NBAS: variants seen among roughly 807,000 people sequenced by gnomAD.
NBAS encodes NAG/BC035112 fusion.
A neutral mutation model predicts 302.5 loss-of-function variants in NBAS; 219 were observed. The ratio of observed to expected loss-of-function variants is 0.72; its 90% CI spans 0.65 to 0.81. NBAS has a LOEUF of 0.81. Among genes scored for constraint, NBAS ranks in the 30% least tolerant of loss-of-function variants. The pLI is 0.00. For synonymous variants in NBAS, 1,118 were observed against 1,021.6 expected, an observed-to-expected ratio of 1.09 and a Z score of -1.80; for missense variants, 2,932 against 2,841.6, an observed-to-expected ratio of 1.03 and a Z score of -0.72.
chr2:15,527,637 T>C (rs555080756), intron 9 of NBAS, among the ~76,000 whole-genome samples: 1 of 152,222 alleles, frequency 6.6e-6, no homozygotes, highest in African/African-American at 2.4e-5. Context: ...GGCCTCATCA[T>C]GTCTTAAAGC....
intron 11 of NBAS, among the ~76,000 whole-genome samples, chr2:15,502,564 C>A (rs1426510380): frequency 6.6e-6 from 1 of 152,156 alleles, no homozygotes; most frequent in African/African-American, 2.4e-5. Flanking sequence ...GCAACTGGAG[C>A]ACAATGGTAA....
At chr2:15,488,038 A>G (rs1680705991) in intron 12 of NBAS, among the ~76,000 whole-genome samples, 1 of 152,228 alleles carries the variant, frequency 6.6e-6, no homozygotes, top group African/African-American at 2.4e-5. Flanking sequence ...CATTCTGAGA[A>G]AAATTCCTTA....
Position 15,467,408 on chromosome 2 carries a change from C to A in NBAS, c.2019-1G>T, listed in dbSNP as rs1465751920. 6.2e-6 allele frequency: 10 copies of A among 1,611,270 alleles called. No individual in the cohort carries two copies. In the Admixed American group the frequency reaches 1.7e-4, roughly 27 times the overall value. ...AAGTTCCTTTTGTTCCAGTGTCAAC[C>A]TGTTTTGAATAACTATGTTAGGCCA... On this transcript the variant is annotated splice_acceptor_variant, in intron 18 of 51. Transcript: ENST00000281513. LOFTEE classifies it high-confidence loss of function.
At chr2:14,891,972 C>T in the NBAS span, among the ~76,000 whole-genome samples, 5,781 of 152,252 alleles carry the variant, frequency 0.038, 137 homozygotes, top group Non-Finnish European at 0.051. Flanking sequence ...CTGGCCAAAA[C>T]CACTTACCCA....
the NBAS span, among the ~76,000 whole-genome samples, chr2:15,149,121 G>A: frequency 4.6e-5 from 7 of 152,216 alleles, no homozygotes; most frequent in African/African-American, 1.7e-4. Context: ...ACGGTGTTGA[G>A]AGGTGGAACA....
At chr2:15,425,661 T>C (rs1029473522) in intron 22 of NBAS, among the ~76,000 whole-genome samples, 1 of 152,148 alleles carries the variant, frequency 6.6e-6, no homozygotes. Flanking sequence ...TCTCACAGTG[T>C]TGTTAACATT....
the NBAS span, among the ~76,000 whole-genome samples, chr2:15,151,957 T>C: frequency 6.6e-6 from 1 of 152,110 alleles, no homozygotes. Flanking sequence ...AAGTGATTCT[T>C]GTGCCTTGGC....
chr2:15,022,207 T>G, the NBAS span, among the ~76,000 whole-genome samples: 2 of 152,148 alleles, frequency 1.3e-5, no homozygotes, highest in Admixed American at 1.3e-4. Context: ...CAATAACAGC[T>G]TCCCCATTCA....
the NBAS span, among the ~76,000 whole-genome samples, chr2:15,030,428 A>G: frequency 6.6e-6 from 1 of 152,208 alleles, no homozygotes; most frequent in Non-Finnish European, 1.5e-5. Flanking sequence ...AGCAGGGTAA[A>G]TTCAACAATA....
chr2:15,490,072 C>T (rs1188580618), intron 11 of NBAS, among the ~76,000 whole-genome samples: 1 of 147,926 alleles, frequency 6.8e-6, no homozygotes, highest in East Asian at 1.9e-4. Flanking sequence ...AATGCCCACA[C>T]CTTTCTCTAT....
chr2:14,829,309 GTAT>G, the NBAS span, among the ~76,000 whole-genome samples: 4 of 152,068 alleles, frequency 2.6e-5, no homozygotes, highest in South Asian at 8.3e-4. Flanking sequence ...ATGCTTGTCA[GTAT>G]TATTATTTCC....
At chr2:15,286,353 T>C (rs546831113) in intron 42 of NBAS, among the ~76,000 whole-genome samples, 2 of 152,222 alleles carry the variant, frequency 1.3e-5, no homozygotes, top group Non-Finnish European at 1.5e-5. Context: ...TCATATTATG[T>C]CCTTGTTCAC....
At chr2:15,143,618 G>T in the NBAS span, among the ~76,000 whole-genome samples, 2 of 152,080 alleles carry the variant, frequency 1.3e-5, no homozygotes, top group African/African-American at 4.8e-5. Flanking sequence ...GTTTGCAAGT[G>T]GTGGTTACAT....
chr2:15,138,669 C>A, the NBAS span, among the ~76,000 whole-genome samples: 1 of 151,168 alleles, frequency 6.6e-6, no homozygotes, highest in Non-Finnish European at 1.5e-5. Flanking sequence ...TTTGAGTCTT[C>A]AAACAAATAA....
At chr2:15,034,056 A>G in the NBAS span, among the ~76,000 whole-genome samples, 2,729 of 93,380 alleles carry the variant, frequency 0.029, 247 homozygotes, top group African/African-American at 0.097. Context: ...GAGGAGGAGG[A>G]GGAGGAGGGG....
the NBAS span, among the ~76,000 whole-genome samples, chr2:14,940,156 C>T: frequency 6.6e-6 from 1 of 152,286 alleles, no homozygotes; most frequent in East Asian, 1.9e-4. Flanking sequence ...TCTGATCTAG[C>T]TTCATCTTCC....
intron 50 of NBAS, among the ~76,000 whole-genome samples, chr2:15,183,701 G>A (rs949852743): frequency 2.0e-5 from 3 of 151,710 alleles, no homozygotes; most frequent in Non-Finnish European, 2.9e-5. Flanking sequence ...ACAGCTTCGA[G>A]CATTACTAGA....
the NBAS span, among the ~76,000 whole-genome samples, chr2:15,044,585 C>G: frequency 2.0e-5 from 3 of 152,224 alleles, no homozygotes; most frequent in African/African-American, 7.2e-5. Context: ...TGAGGAGACT[C>G]TATGAGTTGA....
intron 44 of NBAS, among the ~76,000 whole-genome samples, chr2:15,252,880 T>G (rs951505383): frequency 2.6e-5 from 4 of 151,998 alleles, no homozygotes; most frequent in Non-Finnish European, 4.4e-5. Flanking sequence ...AAAGTCTACA[T>G]GGAAATAAAA....
Sources: allele counts gnomAD v4.1 joint callset (sites outside exome capture counted in the v4.1 genomes callset), GRCh38; gene constraint gnomAD v4.1.1; transcripts MANE v1.5; gene names NCBI Gene and HGNC (gene_info 2026-07-23, HGNC 2026-07-21).